Variants in UBR3 observed in about 807,000 individuals in gnomAD.
UBR3 encodes ubiquitin protein ligase E3 component n-recognin 3, also known as E3 ubiquitin-protein ligase UBR3.
UBR3 carries 85 observed loss-of-function variants against 243.2 expected under a neutral mutation model. The observed-to-expected ratio is 0.35, with a 90% CI of 0.29 to 0.42. The LOEUF (loss-of-function observed/expected upper bound fraction) is 0.42, where lower values mean the gene tolerates loss of function less well. Ranked by LOEUF, UBR3 falls within the 10% of genes least tolerant of loss-of-function variation. UBR3 has a pLI of 1.00. For synonymous variants in UBR3, 748 were observed against 799.8 expected (o/e 0.94, Z 1.09); for missense variants, 1,686 against 2,300.8 (o/e 0.73, Z 5.47).
intron 24 of UBR3, among the ~76,000 whole-genome samples, chr2:169,972,302 C>T (rs1393451819): frequency 1.3e-5 from 2 of 152,016 alleles, no homozygotes; most frequent in Non-Finnish European, 2.9e-5. Flanking sequence ...AGTCCAGGAC[C>T]AGATGGATTC....
intron 24 of UBR3, among the ~76,000 whole-genome samples, chr2:169,985,647 CTGTTTTTGTTTT>C (rs1006726420): frequency 1.3e-5 from 2 of 152,030 alleles, no homozygotes; most frequent in Non-Finnish European, 2.9e-5. Context: ...TATTCAGGTA[CTGTTTTTGTTTT>C]TGTTTTTGTT....
chr2:169,914,971 T>G (rs987877018), intron 11 of UBR3, among the ~76,000 whole-genome samples: 5 of 152,086 alleles, frequency 3.3e-5, no homozygotes, highest in African/African-American at 1.2e-4. Context: ...GATTTGAGAG[T>G]TCAGTTGTTG....
chr2:169,905,371 C>T, intron 9 of UBR3, 78 bp downstream of exon 9: 1 of 1,092,702 alleles, frequency 9.2e-7, no homozygotes, highest in African/African-American at 1.6e-5. Flanking sequence ...AATTAAAATA[C>T]AATAGCACAT....
At chr2:169,855,482 G>A (rs1411087615) in intron 1 of UBR3, among the ~76,000 whole-genome samples, 1 of 152,040 alleles carries the variant, frequency 6.6e-6, no homozygotes, top group Non-Finnish European at 1.5e-5. Flanking sequence ...GTTTTCCTAG[G>A]CAGAGGGCCC....
chr2:169,947,373 G>T, intron 21 of UBR3, 169 bp from the exon 22 acceptor site: 1 of 466,166 alleles, frequency 2.1e-6, no homozygotes. Flanking sequence ...TTTTTTGTTT[G>T]AATTTGGTTT....
At chr2:169,881,507 A>C (rs1361588792) in intron 5 of UBR3, among the ~76,000 whole-genome samples, 1 of 151,428 alleles carries the variant, frequency 6.6e-6, no homozygotes, top group Non-Finnish European at 1.5e-5. Flanking sequence ...TATAGTTTAT[A>C]TATTGATCAT....
chr2:169,921,587 T>G (rs1486740843), intron 11 of UBR3, among the ~76,000 whole-genome samples: 1 of 152,218 alleles, frequency 6.6e-6, no homozygotes, highest in African/African-American at 2.4e-5. Flanking sequence ...CTGTTTTACT[T>G]ATTTCTCGCA....
chr2:169,831,931 A>G (rs2081953516), intron 1 of UBR3, among the ~76,000 whole-genome samples: 1 of 152,138 alleles, frequency 6.6e-6, no homozygotes, highest in Non-Finnish European at 1.5e-5. Flanking sequence ...TAGAGGAAGG[A>G]TTCCTTTTTT....
intron 23 of UBR3, among the ~76,000 whole-genome samples, chr2:169,953,348 T>G (rs759240164): frequency 1.8e-4 from 27 of 152,212 alleles, no homozygotes; most frequent in Non-Finnish European, 3.4e-4. Context: ...GCAGAACAGT[T>G]CATAAACACT....
intron 27 of UBR3, among the ~76,000 whole-genome samples, chr2:170,005,674 GT>G (rs2089889326): frequency 6.6e-6 from 1 of 152,174 alleles, no homozygotes; most frequent in African/African-American, 2.4e-5. Context: ...TGTTGTTATG[GT>G]AACAGGTGCT....
rs940591264 is a variant in UBR3, at chr2:169,878,396, A to G, written c.989-129A>G. 9 of 823,814 alleles carry G rather than the reference A, an allele frequency of 1.1e-5. No individual in the cohort carries two copies. In the African/African-American group the frequency reaches 1.2e-4, roughly 11 times the overall value. 51.0% of individuals were successfully genotyped at this position (823,814 alleles called of 1,614,324 possible). A position where few individuals can be genotyped will look rare whatever the true frequency, so the allele number is the denominator to read the frequency against. ...AAAAAAAGTTGGACTTTGCCAAGAT[A>G]ACTGTTAGAATGAGGTGTCCTAACG... On this transcript the variant is annotated intron_variant, in intron 4 of 38. Coordinates refer to ENST00000272793, the MANE Select transcript of UBR3 (RefSeq NM_172070.4).
chr2:170,017,428 G>A (rs183422448), intron 30 of UBR3, among the ~76,000 whole-genome samples: 7 of 151,740 alleles, frequency 4.6e-5, no homozygotes, highest in East Asian at 1.9e-4. Flanking sequence ...GTTCTGTTAC[G>A]ACTTCTTGAT....
intron 29 of UBR3, chr2:170,014,134 A>C (rs2090164863): frequency 4.5e-5 from 9 of 198,274 alleles, no homozygotes; most frequent in Admixed American, 1.1e-4. Flanking sequence ...AGAGGATTAA[A>C]GCATTCCTTT....
intron 32 of UBR3, among the ~76,000 whole-genome samples, chr2:170,049,810 C>CT (rs1356358310): frequency 2.0e-5 from 3 of 152,174 alleles, no homozygotes; most frequent in African/African-American, 7.2e-5. Context: ...TCCTCCAAGA[C>CT]TAGCAGCACT....
chr2:169,871,819 C>A (rs72887731), intron 1 of UBR3, among the ~76,000 whole-genome samples: 14,666 of 150,082 alleles, frequency 0.098, 1,067 homozygotes, highest in Admixed American at 0.18. Context: ...AAATAAACTT[C>A]AAGGTTTTGT....
chr2:169,986,611 A>G (rs760221503), intron 24 of UBR3, 34 bp from the exon 25 acceptor site: 1 of 1,569,510 alleles, frequency 6.4e-7, no homozygotes, highest in South Asian at 1.2e-5. Context: ...TTTTCCTCCT[A>G]AGGAATTAAA....
chr2:170,070,648 A>G (rs1341317694), intron 35 of UBR3, among the ~76,000 whole-genome samples: 1 of 152,170 alleles, frequency 6.6e-6, no homozygotes, highest in Non-Finnish European at 1.5e-5. Context: ...ATACAGATAG[A>G]TGTACAAAAA....
At chr2:170,039,140 A>G (rs1300288015) in intron 31 of UBR3, among the ~76,000 whole-genome samples, 1 of 152,184 alleles carries the variant, frequency 6.6e-6, no homozygotes, top group African/African-American at 2.4e-5. Flanking sequence ...AGTCAGAGGA[A>G]GATGAACCTG....
At chr2:169,890,552 T>TAC (rs1205473917) in intron 5 of UBR3, among the ~76,000 whole-genome samples, 4 of 109,788 alleles carry the variant, frequency 3.6e-5, no homozygotes, top group South Asian at 2.9e-4. Context: ...TATATATATA[T>TAC]ATATATATAT....
Sources: gnomAD v4.1 joint callset for allele counts (sites outside exome capture counted in the v4.1 genomes callset) on GRCh38, gnomAD v4.1.1 for gene constraint, MANE v1.5 for transcripts, NCBI Gene and HGNC (gene_info 2026-07-23, HGNC 2026-07-21) for gene names.